Variants in TMEM132B observed in about 807,000 individuals in gnomAD.
The protein encoded by TMEM132B is transmembrane protein 132B.
Under a neutral mutation model 90.8 loss-of-function variants are expected in TMEM132B, and 18 were observed. The observed-to-expected ratio is 0.20, with a 90% CI of 0.14 to 0.29. The LOEUF (loss-of-function observed/expected upper bound fraction) is 0.29, where lower values mean the gene tolerates loss of function less well. Among genes scored for constraint, TMEM132B ranks in the 10% least tolerant of loss-of-function variants. TMEM132B has a pLI of 1.00. For synonymous variants in TMEM132B, 504 were observed against 523.3 expected (o/e 0.96, Z 0.50); for missense variants, 1,096 against 1,326.8 (o/e 0.83, Z 2.70).
At chr12:125,227,884 G>A (rs1412941516) in intron 1 of TMEM132B, among the ~76,000 whole-genome samples, 1 of 152,142 alleles carries the variant, frequency 6.6e-6, no homozygotes, top group African/African-American at 2.4e-5. Flanking sequence ...TCTCCACACT[G>A]TGTCCCAGTG....
At chr12:125,327,560 G>A (rs1292147520) in intron 1 of TMEM132B, 1 of 152,258 alleles carries the variant, frequency 6.6e-6, no homozygotes, top group Non-Finnish European at 1.5e-5. Context: ...TTTTACTTGG[G>A]CAGTATGTTG....
intron 2 of TMEM132B, among the ~76,000 whole-genome samples, chr12:125,353,277 C>T (rs1877654135): frequency 6.6e-6 from 1 of 152,200 alleles, no homozygotes; most frequent in Non-Finnish European, 1.5e-5. Flanking sequence ...CACTTCAGCA[C>T]TCCCTCTGCC....
At chr12:125,633,752 C>T (rs927990774) in intron 5 of TMEM132B, among the ~76,000 whole-genome samples, 2 of 152,228 alleles carry the variant, frequency 1.3e-5, no homozygotes, top group Non-Finnish European at 2.9e-5. Flanking sequence ...TTATTCTCTT[C>T]CCTTACTTTC....
chr12:125,432,007 G>A (rs534010702), intron 3 of TMEM132B, among the ~76,000 whole-genome samples: 73 of 152,138 alleles, frequency 4.8e-4, no homozygotes, highest in African/African-American at 1.7e-3. Context: ...GTTTTTAAAC[G>A]CCCTTTTTCC....
intron 1 of TMEM132B, among the ~76,000 whole-genome samples, chr12:125,193,600 T>G (rs1872851412): frequency 6.6e-6 from 1 of 152,212 alleles, no homozygotes; most frequent in African/African-American, 2.4e-5. Flanking sequence ...ATTTGAGACC[T>G]TAATGACCAG....
intron 1 of TMEM132B, among the ~76,000 whole-genome samples, chr12:125,214,132 G>A (rs1158884978): frequency 4.6e-5 from 7 of 152,210 alleles, no homozygotes; most frequent in Non-Finnish European, 1.0e-4. Flanking sequence ...AGGAGGAGGT[G>A]TTAGGACTCC....
chr12:125,575,056 T>TTATATATA (rs1566078420), intron 4 of TMEM132B, among the ~76,000 whole-genome samples: 1 of 11,054 alleles, frequency 9.0e-5, no homozygotes, highest in African/African-American at 2.6e-4. Flanking sequence ...CTATTAGCTG[T>TTATATATA]CATATATATA....
intron 3 of TMEM132B, among the ~76,000 whole-genome samples, chr12:125,511,851 CAA>C (rs35364069): frequency 1.1e-4 from 12 of 111,110 alleles, no homozygotes; most frequent in Non-Finnish European, 1.1e-4. Context: ...GACTCTATCT[CAA>C]AAAAAAAAAA....
chr12:125,635,813 T>G (rs10773182), intron 5 of TMEM132B, among the ~76,000 whole-genome samples: 65,138 of 152,070 alleles, frequency 0.43, 14,265 homozygotes, highest in Admixed American at 0.52. Flanking sequence ...GTTGCTTCCT[T>G]AGATACCATC....
chr12:125,278,748 A>G (rs1373569503), intron 1 of TMEM132B, among the ~76,000 whole-genome samples: 4 of 152,156 alleles, frequency 2.6e-5, no homozygotes, highest in East Asian at 1.9e-4. Flanking sequence ...TTCCCTGTCC[A>G]TGGAAGGCTC....
rs112902768 is a variant in TMEM132B, at chr12:125,406,021, C to CT, written c.960-9502dup. On this transcript the variant is annotated intron_variant, in intron 2 of 8. Transcript: ENST00000682704. The surrounding 1 kb of genome is among the most constrained non-coding windows in gnomAD (Gnocchi z 8.3). The stretch of plus-strand genomic sequence containing the variant: ...TGAATTCAGGTTGTAGCTTTCCTTG[C>CT]TTTTTTTTGGAATATTTATTAGTTC... 1.9e-3 allele frequency among the ~76,000 whole-genome samples: 286 copies of CT among 152,026 alleles called. No individual in the cohort carries two copies. The highest frequency in any genetic ancestry group is 4.9e-3 in the African/African-American group (203 of 41,452).
chr12:125,244,619 A>C (rs1874167263), intron 1 of TMEM132B, among the ~76,000 whole-genome samples: 1 of 152,228 alleles, frequency 6.6e-6, no homozygotes, highest in Non-Finnish European at 1.5e-5. Context: ...TTACCAGCCA[A>C]GTGCCAGCGA....
chr12:125,445,083 G>A lies in TMEM132B; in HGVS notation c.1106+29406G>A, dbSNP rs1013868366. 2.0e-5 allele frequency among the ~76,000 whole-genome samples: 3 copies of A among 152,070 alleles called. No homozygotes were observed. The highest frequency in any genetic ancestry group is 2.9e-5 in the Non-Finnish European group (2 of 68,020). On this transcript the variant is annotated intron_variant, in intron 3 of 8. Coordinates refer to ENST00000682704, the MANE Select transcript of TMEM132B (RefSeq NM_001366854.1). The surrounding 1 kb of genome is among the most constrained non-coding windows in gnomAD (Gnocchi z 4.3). ...TCTCATCCTCAGAGTATGGGTCTAAGGACATTAACATTTTTGCTTATTTGA... is the reference window on the plus strand; with the variant it reads ...TCTCATCCTCAGAGTATGGGTCTAAAGACATTAACATTTTTGCTTATTTGA...
chr12:125,505,193 A>AAAAAAAC (rs1566056628), intron 3 of TMEM132B, among the ~76,000 whole-genome samples: 2 of 145,332 alleles, frequency 1.4e-5, no homozygotes, highest in African/African-American at 5.3e-5. Flanking sequence ...AAAAAAAAAA[A>AAAAAAAC]AACAGTAAGT....
intron 4 of TMEM132B, among the ~76,000 whole-genome samples, chr12:125,564,451 A>C (rs898408444): frequency 2.0e-5 from 3 of 152,152 alleles, no homozygotes; most frequent in Non-Finnish European, 4.4e-5. Context: ...TCTAAGATGC[A>C]CTGAGTGGGA....
intron 4 of TMEM132B, among the ~76,000 whole-genome samples, chr12:125,538,627 T>G (rs962217493): frequency 7.2e-5 from 11 of 152,232 alleles, no homozygotes; most frequent in Admixed American, 2.6e-4. Context: ...GCATCATTTG[T>G]AACTCTGAGA....
chr12:125,470,814 C>T (rs1409861266), intron 3 of TMEM132B, among the ~76,000 whole-genome samples: 1 of 152,196 alleles, frequency 6.6e-6, no homozygotes, highest in East Asian at 1.9e-4. Flanking sequence ...GCTCCTTTGA[C>T]ACTTTCTAAG....
intron 3 of TMEM132B, among the ~76,000 whole-genome samples, chr12:125,416,368 T>C (rs368306): frequency 0.5 from 75,457 of 152,150 alleles, 20,513 homozygotes; most frequent in African/African-American, 0.72. Flanking sequence ...GCTGGACATG[T>C]GGCCTCCTGC....
At chr12:125,365,657 AT>A (rs913453495) in intron 2 of TMEM132B, among the ~76,000 whole-genome samples, 14 of 150,560 alleles carry the variant, frequency 9.3e-5, no homozygotes, top group African/African-American at 2.7e-4. Context: ...ATTCCAGAAG[AT>A]TTTTTTTTGC....
Sources: gnomAD v4.1 joint callset for allele counts (sites outside exome capture counted in the v4.1 genomes callset) on GRCh38, gnomAD v4.1.1 for gene constraint, Gnocchi (gnomAD v3.1) non-coding constraint, MANE v1.5 for transcripts, NCBI Gene and HGNC (gene_info 2026-07-23, HGNC 2026-07-21) for gene names.